The following CCBE1 variants were observed in gnomAD, a reference collection of about 807,000 sequenced individuals.
The protein encoded by CCBE1 is collagen and calcium-binding EGF domain-containing protein 1.
In CCBE1, 37 loss-of-function variants were observed where a neutral mutation model predicts 50.0. The ratio of observed to expected loss-of-function variants is 0.74; its 90% CI spans 0.57 to 0.97. CCBE1 has a LOEUF of 0.97. Among genes scored for constraint, CCBE1 ranks in the 50% least tolerant of loss-of-function variants. The pLI, the probability that CCBE1 is intolerant of heterozygous loss-of-function variation, is 0.00. For synonymous variants in CCBE1, 234 were observed against 203.7 expected (o/e 1.15, Z -1.27); for missense variants, 538 against 523.8 (o/e 1.03, Z -0.26).
At chr18:59,514,865 C>T (rs946928565) in intron 2 of CCBE1, among the ~76,000 whole-genome samples, 3 of 151,882 alleles carry the variant, frequency 2.0e-5, no homozygotes, top group Non-Finnish European at 4.4e-5. Context: ...ATCAATAAAC[C>T]TCTATAATTC....
intron 2 of CCBE1, among the ~76,000 whole-genome samples, chr18:59,619,536 G>A (rs564820552): frequency 3.3e-5 from 5 of 152,290 alleles, no homozygotes; most frequent in Admixed American, 2.6e-4. Flanking sequence ...CTTCCTCACT[G>A]GTTTGTAATA....
chr18:59,516,776 C>T (rs1333302802), intron 2 of CCBE1, among the ~76,000 whole-genome samples: 1 of 152,144 alleles, frequency 6.6e-6, no homozygotes, highest in Non-Finnish European at 1.5e-5. Flanking sequence ...GTAAGATCAC[C>T]TGCACAGCGG....
At chr18:59,561,423 G>A (rs1223995228) in intron 2 of CCBE1, among the ~76,000 whole-genome samples, 3 of 152,156 alleles carry the variant, frequency 2.0e-5, no homozygotes, top group Non-Finnish European at 2.9e-5. Context: ...TTACATGGAC[G>A]TGCTTTGGTC....
chr18:59,635,234 CT>C (rs1419787705), intron 2 of CCBE1, among the ~76,000 whole-genome samples: 1 of 152,128 alleles, frequency 6.6e-6, no homozygotes, highest in Non-Finnish European at 1.5e-5. Flanking sequence ...TGGGAAGCCC[CT>C]AGCAATCTAG....
intron 2 of CCBE1, among the ~76,000 whole-genome samples, chr18:59,551,030 G>GAAAAAAGAA (rs1413332248): frequency 1.4e-3 from 118 of 83,774 alleles, no homozygotes; most frequent in African/African-American, 4.9e-3. Context: ...AAAAAAAAAA[G>GAAAAAAGAA]AAAAGAAAAG....
intron 2 of CCBE1, among the ~76,000 whole-genome samples, chr18:59,493,746 A>G (rs755593464): frequency 6.6e-6 from 1 of 152,152 alleles, no homozygotes; most frequent in African/African-American, 2.4e-5. Flanking sequence ...GCTTAGTGGT[A>G]TGGTTTGACT....
intron 2 of CCBE1, among the ~76,000 whole-genome samples, chr18:59,612,897 T>C (rs1384915056): frequency 6.9e-6 from 1 of 144,958 alleles, no homozygotes; most frequent in East Asian, 2.2e-4. Context: ...GATGTGGGAA[T>C]AAGGAAGAAA....
intron 2 of CCBE1, among the ~76,000 whole-genome samples, chr18:59,499,840 C>T (rs138866682): frequency 6.6e-6 from 1 of 152,272 alleles, no homozygotes; most frequent in East Asian, 1.9e-4. Flanking sequence ...GGCCTAAAGC[C>T]TGTTTGTGTG....
At chr18:59,491,539 C>T (rs898245609) in intron 2 of CCBE1, among the ~76,000 whole-genome samples, 15 of 152,126 alleles carry the variant, frequency 9.9e-5, no homozygotes, top group African/African-American at 3.4e-4. Flanking sequence ...AATGGCCAGC[C>T]GTGGTGACTT....
intron 2 of CCBE1, among the ~76,000 whole-genome samples, chr18:59,619,598 G>A (rs547491004): frequency 3.9e-5 from 6 of 152,190 alleles, no homozygotes; most frequent in South Asian, 4.1e-4. Context: ...TGATTTATCC[G>A]GCTCCATTTA....
chr18:59,520,293 T>C (rs946883206), intron 2 of CCBE1, among the ~76,000 whole-genome samples: 3 of 152,246 alleles, frequency 2.0e-5, no homozygotes, highest in Admixed American at 6.5e-5. Flanking sequence ...ATATTGATTC[T>C]TCCTATCCAT....
In CCBE1 at chr18:59,695,317, C is replaced by T. The variant is rs1391229526; in HGVS notation, c.212+1312G>A. Among the ~76,000 whole-genome samples the T allele has an allele frequency of 3.9e-5, 6 of 152,354 alleles. No individual in the cohort carries two copies. In the East Asian group the frequency reaches 7.7e-4, roughly 20 times the overall value. On this transcript the variant is annotated intron_variant, in intron 2 of 10. Transcript: ENST00000439986. Reference sequence around the variant, plus strand: ...AATCCTGCTGCCAGCACCACCAGGTCACTTCACCAGCTCGGTGACCTTGCT... The same window carrying T: ...AATCCTGCTGCCAGCACCACCAGGTTACTTCACCAGCTCGGTGACCTTGCT...
In CCBE1 at chr18:59,658,896, A is replaced by AAAC. The variant is rs1380429034; in HGVS notation, c.212+37732_212+37733insGTT. Among the ~76,000 whole-genome samples, 306 of 150,922 alleles carry AAAC rather than the reference A, an allele frequency of 2.0e-3. 3 individuals are homozygous for AAAC. Among genetic ancestry groups the AAAC allele is most frequent in the African/African-American group, 6.0e-3 (245 of 41,084 alleles). On this transcript the variant is annotated intron_variant, in intron 2 of 10. Coordinates refer to ENST00000439986, the MANE Select transcript of CCBE1 (RefSeq NM_133459.4). ...CTCTGTCTCAAAAAAAAAAAAAAAA[A>AAAC]AAAAAAAAAACTGTTACCAGATATA...
intron 5 of CCBE1, among the ~76,000 whole-genome samples, chr18:59,462,764 A>G (rs1184576312): frequency 1.3e-5 from 2 of 152,058 alleles, no homozygotes; most frequent in Non-Finnish European, 2.9e-5. Context: ...GGGTGCAGTG[A>G]GGCACACTCC....
At chr18:59,471,882 T>C (rs1008475260) in intron 3 of CCBE1, among the ~76,000 whole-genome samples, 2 of 152,216 alleles carry the variant, frequency 1.3e-5, no homozygotes, top group Non-Finnish European at 2.9e-5. Flanking sequence ...ACTGTTTCAA[T>C]AGCAGCTGCA....
At chr18:59,692,138 G>C (rs1303777443) in intron 2 of CCBE1, among the ~76,000 whole-genome samples, 2 of 152,158 alleles carry the variant, frequency 1.3e-5, no homozygotes, top group African/African-American at 4.8e-5. Flanking sequence ...CTTTCAAAAA[G>C]ATGAAGTTCA....
chr18:59,512,458 A>T (rs972842854), intron 2 of CCBE1, among the ~76,000 whole-genome samples: 2 of 152,240 alleles, frequency 1.3e-5, no homozygotes, highest in Non-Finnish European at 2.9e-5. Context: ...CATGCCCTGC[A>T]AGGGGGTACA....
At chr18:59,602,279 C>T (rs1020970804) in intron 2 of CCBE1, among the ~76,000 whole-genome samples, 20 of 152,118 alleles carry the variant, frequency 1.3e-4, no homozygotes, top group African/African-American at 4.6e-4. Flanking sequence ...TTTCCTGTGA[C>T]TGTCTGTCTT....
At chr18:59,465,799 T>C (rs1911714333) in intron 5 of CCBE1, 2 of 152,228 alleles carry the variant, frequency 1.3e-5, no homozygotes, top group South Asian at 4.1e-4. Flanking sequence ...CAGCCCATTT[T>C]CTTTGGGAAA....
Sources: allele counts gnomAD v4.1 joint callset (sites outside exome capture counted in the v4.1 genomes callset), GRCh38; gene constraint gnomAD v4.1.1; transcripts MANE v1.5; gene names NCBI Gene and HGNC (gene_info 2026-07-23, HGNC 2026-07-21).